Variants in BLTP1 observed in about 807,000 individuals in gnomAD.
BLTP1 encodes the protein fragile site-associated protein.
the BLTP1 span, chr4:122,207,215 C>T: frequency 6.2e-7 from 1 of 1,611,848 alleles, no homozygotes; most frequent in Non-Finnish European, 8.5e-7. Context: ...ATGATTTGGG[C>T]TGCTAATCAA....
At chr4:122,276,430 GC>G in the BLTP1 span, 2 of 974,554 alleles carry the variant, frequency 2.1e-6, no homozygotes, top group Non-Finnish European at 2.4e-6. Flanking sequence ...GTACATCTCA[GC>G]CTTATAATTC....
At chr4:122,238,439 C>T in the BLTP1 span, 20 of 1,000,222 alleles carry the variant, frequency 2.0e-5, no homozygotes, top group Non-Finnish European at 3.0e-5. Context: ...TCCCTCTCCA[C>T]TCCCCCACTT....
the BLTP1 span, chr4:122,237,483 A>T: frequency 1.7e-6 from 1 of 589,786 alleles, no homozygotes; most frequent in Non-Finnish European, 2.1e-6. Flanking sequence ...CCCTGTCAAC[A>T]TTGAACTTTT....
chr4:122,157,096 C>T, the BLTP1 span, among the ~76,000 whole-genome samples: 8 of 152,088 alleles, frequency 5.3e-5, no homozygotes, highest in Admixed American at 4.6e-4. Context: ...CTTAAGATGA[C>T]GTATATGAAT....
chr4:122,250,210 T>A, the BLTP1 span: 1 of 838,410 alleles, frequency 1.2e-6, no homozygotes, highest in Middle Eastern at 3.7e-4. Flanking sequence ...ATTATTTACC[T>A]GATAATTCAG....
the BLTP1 span, chr4:122,193,861 T>C: frequency 6.2e-6 from 1 of 160,114 alleles, no homozygotes; most frequent in African/African-American, 2.4e-5. Context: ...TTTTGTCAAG[T>C]AGTATATTCT....
the BLTP1 span, among the ~76,000 whole-genome samples, chr4:122,182,262 A>C: frequency 6.6e-6 from 1 of 152,132 alleles, no homozygotes; most frequent in East Asian, 1.9e-4. Flanking sequence ...TATTTAAGCT[A>C]TTTCTGTTAA....
chr4:122,262,050 A>T, the BLTP1 span: 3 of 972,256 alleles, frequency 3.1e-6, no homozygotes, highest in Non-Finnish European at 3.7e-6. Context: ...CCGTAAAAAA[A>T]TGCAGGGAAG....
At chr4:122,183,431 G>T in the BLTP1 span, 1 of 982,670 alleles carries the variant, frequency 1.0e-6, no homozygotes, top group Non-Finnish European at 1.2e-6. Flanking sequence ...AAATTCTAAA[G>T]TGGTCAGTGT....
the BLTP1 span, chr4:122,250,057 T>C: frequency 2.4e-6 from 2 of 829,024 alleles, no homozygotes; most frequent in Non-Finnish European, 2.9e-6. Context: ...GAAAAATATC[T>C]ACTTAGAATT....
At chr4:122,305,211 A>T in the BLTP1 span, 1 of 983,510 alleles carries the variant, frequency 1.0e-6, no homozygotes, top group African/African-American at 1.7e-5. Flanking sequence ...AACTTAATCC[A>T]GTATCTTCGT....
At chr4:122,165,517 G>A in the BLTP1 span, among the ~76,000 whole-genome samples, 1 of 132,406 alleles carries the variant, frequency 7.6e-6, no homozygotes, top group Admixed American at 8.2e-5. Flanking sequence ...ATTGTGAATA[G>A]TGCCGCAATA....
At chr4:122,263,711 T>C in the BLTP1 span, 1 of 630,374 alleles carries the variant, frequency 1.6e-6, no homozygotes. Flanking sequence ...TGGTTGAAAT[T>C]GGTCCATTTA....
the BLTP1 span, chr4:122,226,306 G>A: frequency 2.9e-6 from 2 of 691,338 alleles, no homozygotes; most frequent in Non-Finnish European, 3.6e-6. Context: ...GTAGCTCAAT[G>A]TGATATTTAG....
the BLTP1 span, chr4:122,200,283 A>C: frequency 1.0e-6 from 1 of 985,242 alleles, no homozygotes; most frequent in Non-Finnish European, 1.2e-6. Flanking sequence ...CCCTTTGCAG[A>C]AATGCCAAAC....
At chr4:122,208,459 A>C in the BLTP1 span, 1 of 978,688 alleles carries the variant, frequency 1.0e-6, no homozygotes, top group Non-Finnish European at 1.2e-6. Flanking sequence ...TTGATTTGCC[A>C]GTTCTGAATT....
At chr4:122,223,869 T>C in the BLTP1 span, 3 of 416,088 alleles carry the variant, frequency 7.2e-6, no homozygotes, top group Non-Finnish European at 9.7e-6. Flanking sequence ...TATTTGATTC[T>C]TTATTCTTAA....
chr4:122,311,533 A>G, the BLTP1 span, among the ~76,000 whole-genome samples: 3 of 152,152 alleles, frequency 2.0e-5, no homozygotes, highest in African/African-American at 7.2e-5. Flanking sequence ...GGGCAGAGAA[A>G]TAAGGAATGT....
the BLTP1 span, among the ~76,000 whole-genome samples, chr4:122,323,461 G>A: frequency 1.3e-5 from 2 of 148,264 alleles, no homozygotes; most frequent in Admixed American, 6.7e-5. Context: ...TTTTTAACCA[G>A]GATGAGATTT....
Sources: allele counts gnomAD v4.1 joint callset (sites outside exome capture counted in the v4.1 genomes callset), GRCh38; gene constraint gnomAD v4.1.1; transcripts MANE v1.5; gene names NCBI Gene and HGNC (gene_info 2026-07-23, HGNC 2026-07-21).